Variants in HPSE2 observed in about 807,000 individuals in gnomAD.
HPSE2 encodes the protein heparanase 2 (inactive), also known as inactive heparanase-2.
HPSE2 carries 38 observed loss-of-function variants against 60.5 expected under a neutral mutation model. The observed-to-expected ratio is 0.63, with a 90% CI of 0.48 to 0.82. The LOEUF is 0.82. Among genes scored for constraint, HPSE2 ranks in the 40% least tolerant of loss-of-function variants. The pLI is 0.00. For synonymous variants in HPSE2, 295 were observed against 293.2 expected, an observed-to-expected ratio of 1.01 and a Z score of -0.06; for missense variants, 713 against 740.4, an observed-to-expected ratio of 0.96 and a Z score of 0.43.
At chr10:99,160,033 C>T (rs552749065) in intron 2 of HPSE2, among the ~76,000 whole-genome samples, 102 of 151,410 alleles carry the variant, frequency 6.7e-4, no homozygotes, top group African/African-American at 2.4e-3. Context: ...CCCAGCGACT[C>T]GGGAGGCTGA....
At chr10:99,007,009 C>T (rs1292044929) in intron 3 of HPSE2, among the ~76,000 whole-genome samples, 1 of 151,976 alleles carries the variant, frequency 6.6e-6, no homozygotes, top group Non-Finnish European at 1.5e-5. Flanking sequence ...GCTGTGTCCA[C>T]AGGTATTGGC....
intron 3 of HPSE2, among the ~76,000 whole-genome samples, chr10:98,924,893 C>A (rs1304975147): frequency 6.6e-6 from 1 of 152,190 alleles, no homozygotes; most frequent in Non-Finnish European, 1.5e-5. Flanking sequence ...CAAGTTTGGA[C>A]CACTGGGATG....
intron 3 of HPSE2, among the ~76,000 whole-genome samples, chr10:98,866,310 T>C (rs981492493): frequency 6.6e-6 from 1 of 151,446 alleles, no homozygotes; most frequent in African/African-American, 2.4e-5. Flanking sequence ...TTAGAAACAA[T>C]CCAAAATGAA....
chr10:98,632,355 CCTA>C (rs1394453915), intron 7 of HPSE2, among the ~76,000 whole-genome samples: 3 of 152,048 alleles, frequency 2.0e-5, no homozygotes, highest in African/African-American at 7.2e-5. Flanking sequence ...ATGAAACTTG[CCTA>C]CTGTTTACCC....
At chr10:99,228,185 G>C (rs916839989) in intron 2 of HPSE2, among the ~76,000 whole-genome samples, 3 of 152,066 alleles carry the variant, frequency 2.0e-5, no homozygotes, top group Non-Finnish European at 2.9e-5. Flanking sequence ...GCTTTAAGAA[G>C]ACAGTGAACA....
chr10:98,949,852 G>A (rs1174968533), intron 3 of HPSE2, among the ~76,000 whole-genome samples: 1 of 152,030 alleles, frequency 6.6e-6, no homozygotes, highest in Non-Finnish European at 1.5e-5. Flanking sequence ...GAAGAAAAAA[G>A]CAGCTAAAGG....
intron 6 of HPSE2, among the ~76,000 whole-genome samples, chr10:98,673,031 T>A (rs1947546632): frequency 6.6e-6 from 1 of 152,190 alleles, no homozygotes; most frequent in Admixed American, 6.5e-5. Context: ...AAATCAGCGT[T>A]CTGAGGGTGG....
chr10:98,993,650 T>C (rs1375132454), intron 3 of HPSE2, among the ~76,000 whole-genome samples: 1 of 152,240 alleles, frequency 6.6e-6, no homozygotes, highest in Non-Finnish European at 1.5e-5. Context: ...CCTCTAATGC[T>C]ATAGTACTGA....
At chr10:98,951,287 A>G (rs1589417840) in intron 3 of HPSE2, among the ~76,000 whole-genome samples, 1 of 152,192 alleles carries the variant, frequency 6.6e-6, no homozygotes, top group Admixed American at 6.6e-5. Flanking sequence ...AGTTGGTACC[A>G]TTAAGATGCC....
intron 4 of HPSE2, among the ~76,000 whole-genome samples, chr10:98,725,168 C>A (rs1949038669): frequency 6.6e-6 from 1 of 152,106 alleles, no homozygotes; most frequent in Admixed American, 6.6e-5. Context: ...CAAAAAAGAG[C>A]CCACATTGCC....
intron 7 of HPSE2, among the ~76,000 whole-genome samples, chr10:98,633,307 C>T (rs2134015660): frequency 6.6e-6 from 1 of 152,278 alleles, no homozygotes; most frequent in East Asian, 1.9e-4. Flanking sequence ...TCAAGCAATC[C>T]TCCCACCTCA....
chr10:98,747,289 A>G (rs1193119364), intron 3 of HPSE2, among the ~76,000 whole-genome samples: 2 of 152,218 alleles, frequency 1.3e-5, no homozygotes, highest in African/African-American at 4.8e-5. Context: ...TAAAATCCAT[A>G]TCAAATGTTT....
the HPSE2 span, among the ~76,000 whole-genome samples, chr10:99,295,652 T>A: frequency 6.6e-6 from 1 of 152,210 alleles, no homozygotes; most frequent in African/African-American, 2.4e-5. Flanking sequence ...AGAATAGATC[T>A]CAACGATACA....
intron 3 of HPSE2, among the ~76,000 whole-genome samples, chr10:99,132,960 C>G (rs182946715): frequency 5.3e-5 from 8 of 152,304 alleles, no homozygotes; most frequent in East Asian, 3.9e-4. Context: ...GTCCCACCCC[C>G]ACAGAGCCCA....
intron 3 of HPSE2, among the ~76,000 whole-genome samples, chr10:98,902,474 C>T (rs995773634): frequency 9.9e-5 from 15 of 152,112 alleles, no homozygotes; most frequent in African/African-American, 3.6e-4. Flanking sequence ...ACCTCAATAC[C>T]TAAAGTATGA....
chr10:98,945,166 C>G (rs889540552), intron 3 of HPSE2, among the ~76,000 whole-genome samples: 14 of 151,966 alleles, frequency 9.2e-5, no homozygotes, highest in African/African-American at 3.4e-4. Flanking sequence ...CTATCCCCAC[C>G]CAAAAAAAGA....
At chr10:98,484,183 TCTTCCTTC>T (rs373885332) in intron 10 of HPSE2, among the ~76,000 whole-genome samples, 2 of 151,992 alleles carry the variant, frequency 1.3e-5, no homozygotes, top group Non-Finnish European at 2.9e-5. Flanking sequence ...TGCCTTCCTT[TCTTCCTTC>T]CTTCCTTCCT....
chr10:98,547,924 C>G (rs964558935), intron 9 of HPSE2, among the ~76,000 whole-genome samples: 4 of 151,892 alleles, frequency 2.6e-5, no homozygotes, highest in South Asian at 2.1e-4. Context: ...ATTACTTGAA[C>G]TAGACAAAAT....
Position 98,750,916 on chromosome 10 carries a change from T to C in HPSE2, c.611-6860A>G, listed in dbSNP as rs145482403. Among the ~76,000 whole-genome samples the C allele has an allele frequency of 8.6e-4, 131 of 152,218 alleles. 2 individuals carry two copies. The Middle Eastern group carries it at 0.027, about 32-fold the overall frequency. Reference sequence around the variant, plus strand: ...GATTAAGCAAAACATTTTCAAAGGTTGGGAGAGATAGAGAACCTTTTACTG... The same window carrying C: ...GATTAAGCAAAACATTTTCAAAGGTCGGGAGAGATAGAGAACCTTTTACTG... On this transcript the variant is annotated intron_variant, in intron 3 of 11. Coordinates refer to ENST00000370552, the MANE Select transcript of HPSE2 (RefSeq NM_021828.5).
Sources: gnomAD v4.1 joint callset for allele counts (sites outside exome capture counted in the v4.1 genomes callset) on GRCh38, gnomAD v4.1.1 for gene constraint, MANE v1.5 for transcripts, NCBI Gene and HGNC (gene_info 2026-07-23, HGNC 2026-07-21) for gene names.